Variants in RGS7 observed in about 807,000 individuals in gnomAD.
The protein encoded by RGS7 is regulator of G protein signaling 7.
In RGS7, 27 loss-of-function variants were observed where a neutral mutation model predicts 81.1. The observed-to-expected ratio is 0.33, with a 90% CI of 0.25 to 0.46. The LOEUF is 0.46. Ranked by LOEUF, RGS7 falls within the 20% of genes least tolerant of loss-of-function variation. The pLI is 1.00. For missense variants in RGS7, 396 were observed against 607.4 expected (o/e 0.65, Z 3.66); for synonymous variants, 208 against 207.7 (o/e 1.00, Z -0.01).
intron 2 of RGS7, among the ~76,000 whole-genome samples, chr1:241,157,164 A>G (rs901467400): frequency 6.6e-6 from 1 of 152,010 alleles, no homozygotes; most frequent in Non-Finnish European, 1.5e-5. Context: ...AGTGCAATTC[A>G]TATCAGTGTG....
chr1:241,129,319 T>G (rs559502218), intron 2 of RGS7, among the ~76,000 whole-genome samples: 1 of 152,190 alleles, frequency 6.6e-6, no homozygotes, highest in Non-Finnish European at 1.5e-5. Context: ...GTTTTTTGTT[T>G]GTTTTTAAAT....
At chr1:240,972,745 G>C (rs1377292000) in intron 4 of RGS7, among the ~76,000 whole-genome samples, 3 of 149,012 alleles carry the variant, frequency 2.0e-5, no homozygotes, top group African/African-American at 7.4e-5. Context: ...CAGGAGTCTG[G>C]TGCAGTGGCT....
chr1:241,289,432 TG>T (rs1215360599), intron 2 of RGS7, among the ~76,000 whole-genome samples: 3 of 152,190 alleles, frequency 2.0e-5, no homozygotes, highest in Non-Finnish European at 4.4e-5. Flanking sequence ...CTGAATAGCA[TG>T]TCCATGCTTC....
intron 15 of RGS7, 53 bp downstream of exon 15, chr1:240,806,087 A>G: frequency 6.8e-7 from 1 of 1,468,352 alleles, no homozygotes; most frequent in Non-Finnish European, 9.5e-7. Context: ...AATACATCTA[A>G]CGCTCAACTT....
Position 240,804,848 on chromosome 1 carries a change from T to C in RGS7, c.1269+1292A>G, listed in dbSNP as rs149324860. 7.3e-3 allele frequency among the ~76,000 whole-genome samples: 1,115 copies of C among 152,338 alleles called. 22 individuals carry two copies. The highest frequency in any genetic ancestry group is 0.024 in the South Asian group (117 of 4,824). The stretch of plus-strand genomic sequence containing the variant: ...GTATCCAGTTAGCTGTTAAAATTCA[T>C]GTTAGTTTACTACACAGTTGCTGAT... On this transcript the variant is annotated intron_variant, in intron 15 of 18. Transcript: ENST00000440928.
intron 2 of RGS7, among the ~76,000 whole-genome samples, chr1:241,309,679 GT>G (rs1444350483): frequency 6.6e-6 from 1 of 152,192 alleles, no homozygotes; most frequent in Non-Finnish European, 1.5e-5. Flanking sequence ...GGAACATTGT[GT>G]TATAATGTTA....
intron 3 of RGS7, among the ~76,000 whole-genome samples, chr1:241,003,670 T>C (rs1275476060): frequency 1.3e-5 from 2 of 152,086 alleles, no homozygotes; most frequent in African/African-American, 4.8e-5. Flanking sequence ...CAGGACCCAT[T>C]TCCAAACCCT....
chr1:241,010,583 C>T (rs1239891240), intron 3 of RGS7, among the ~76,000 whole-genome samples: 1 of 152,202 alleles, frequency 6.6e-6, no homozygotes, highest in Non-Finnish European at 1.5e-5. Context: ...TTATTTTGCT[C>T]TCCTCCTTAG....
chr1:241,021,845 C>G (rs2059553492), intron 3 of RGS7, among the ~76,000 whole-genome samples: 1 of 152,140 alleles, frequency 6.6e-6, no homozygotes, highest in Non-Finnish European at 1.5e-5. Flanking sequence ...ATCTTGATAG[C>G]CCTGGCTTAC....
At chr1:241,235,639 TTTTTCTC>T (rs1440232281) in intron 2 of RGS7, among the ~76,000 whole-genome samples, 1 of 127,086 alleles carries the variant, frequency 7.9e-6, no homozygotes, top group African/African-American at 3.1e-5. Flanking sequence ...TCTTTTTTCT[TTTTTCTC>T]ATTCTCTCTT....
intron 4 of RGS7, among the ~76,000 whole-genome samples, chr1:240,940,947 T>C (rs1333580697): frequency 6.6e-6 from 1 of 152,230 alleles, no homozygotes; most frequent in Non-Finnish European, 1.5e-5. Context: ...CATTAATAAA[T>C]GCTTGCAAAT....
intron 2 of RGS7, among the ~76,000 whole-genome samples, chr1:241,283,413 T>C (rs1180149724): frequency 6.6e-6 from 1 of 152,186 alleles, no homozygotes; most frequent in African/African-American, 2.4e-5. Context: ...TTTTGCTGGA[T>C]ATAGTGTTCT....
intron 2 of RGS7, among the ~76,000 whole-genome samples, chr1:241,290,705 G>A (rs1001115046): frequency 4.6e-5 from 7 of 152,128 alleles, no homozygotes; most frequent in Admixed American, 6.5e-5. Context: ...GCATGGGTTT[G>A]GATATTAGTT....
chr1:241,036,660 A>C (rs1439593934), intron 3 of RGS7, among the ~76,000 whole-genome samples: 1 of 152,182 alleles, frequency 6.6e-6, no homozygotes, highest in Non-Finnish European at 1.5e-5. Flanking sequence ...CCATTGCTTC[A>C]CCTTACAAAG....
chr1:240,918,738 CA>C (rs564532877), intron 6 of RGS7, among the ~76,000 whole-genome samples: 1 of 151,522 alleles, frequency 6.6e-6, no homozygotes, highest in Non-Finnish European at 1.5e-5. Context: ...TAATAAAAAT[CA>C]GAGCAGAAAT....
chr1:240,951,353 A>C (rs190346519), intron 4 of RGS7, among the ~76,000 whole-genome samples: 50 of 152,356 alleles, frequency 3.3e-4, no homozygotes, highest in African/African-American at 7.2e-4. Context: ...GGAAGTTTAA[A>C]TTGTAATTAA....
chr1:241,087,989 TATATATACAC>T (rs2063564685), intron 3 of RGS7, among the ~76,000 whole-genome samples: 1 of 101,604 alleles, frequency 9.8e-6, no homozygotes, highest in Non-Finnish European at 2.0e-5. Context: ...TATATATATA[TATATATACAC>T]ACACACACAT....
intron 2 of RGS7, among the ~76,000 whole-genome samples, chr1:241,221,411 T>C (rs1243228326): frequency 6.6e-6 from 1 of 152,204 alleles, no homozygotes; most frequent in East Asian, 1.9e-4. Flanking sequence ...TGCCTGAACA[T>C]TTCCCAGCTT....
At chr1:241,245,403 C>T (rs1316951764) in intron 2 of RGS7, among the ~76,000 whole-genome samples, 1 of 151,962 alleles carries the variant, frequency 6.6e-6, no homozygotes, top group African/African-American at 2.4e-5. Context: ...TCGCCTTCCA[C>T]CATGATTGTA....
Sources: allele counts gnomAD v4.1 joint callset (sites outside exome capture counted in the v4.1 genomes callset), GRCh38; gene constraint gnomAD v4.1.1; transcripts MANE v1.5; gene names NCBI Gene and HGNC (gene_info 2026-07-23, HGNC 2026-07-21).